The following PANX1 variants were observed in gnomAD, a reference collection of about 807,000 sequenced individuals.
The protein encoded by PANX1 is pannexin 1.
A neutral mutation model predicts 38.7 loss-of-function variants in PANX1; 30 were observed. The ratio of observed to expected loss-of-function variants is 0.78; its 90% CI spans 0.58 to 1.05. The LOEUF (loss-of-function observed/expected upper bound fraction) is 1.05, where lower values mean the gene tolerates loss of function less well. PANX1 is among the 50% of genes least tolerant of loss of function. The probability of loss-of-function intolerance (pLI) is 0.00; values close to 1 mark genes in which losing one functional copy is unlikely to be tolerated. For missense variants in PANX1, 551 were observed against 517.2 expected, an observed-to-expected ratio of 1.07 and a Z score of -0.63; for synonymous variants, 230 against 212.2, an observed-to-expected ratio of 1.08 and a Z score of -0.73.
chr11:94,150,695 A>G (rs747788986), intron 1 of PANX1, among the ~76,000 whole-genome samples: 4 of 151,538 alleles, frequency 2.6e-5, no homozygotes, highest in African/African-American at 9.7e-5. Context: ...TTCACTCCCT[A>G]TTTGTTGCCT....
chr11:94,176,341 T>C (rs151165939), intron 2 of PANX1, among the ~76,000 whole-genome samples: 2,174 of 151,738 alleles, frequency 0.014, 46 homozygotes, highest in Non-Finnish European at 0.022. Context: ...TGAAGAACTG[T>C]CACAAAACCA....
At chr11:94,150,578 C>T (rs1946872167) in intron 1 of PANX1, among the ~76,000 whole-genome samples, 1 of 152,190 alleles carries the variant, frequency 6.6e-6, no homozygotes, top group South Asian at 2.1e-4. Context: ...ACCCTGACCC[C>T]TTGCCTTTAG....
At chr11:94,146,048 C>T (rs1177401921) in intron 1 of PANX1, among the ~76,000 whole-genome samples, 1 of 152,170 alleles carries the variant, frequency 6.6e-6, no homozygotes, top group Non-Finnish European at 1.5e-5. Context: ...CAAAAGGAAC[C>T]CAGAGCTCTT....
chr11:94,170,916 G>C (rs1382089699), intron 2 of PANX1, among the ~76,000 whole-genome samples: 1 of 151,664 alleles, frequency 6.6e-6, no homozygotes, highest in African/African-American at 2.4e-5. Flanking sequence ...TGACCCAGGA[G>C]TTCCTTAGTT....
At chr11:94,168,743 G>A (rs545245883) in intron 2 of PANX1, among the ~76,000 whole-genome samples, 1 of 151,710 alleles carries the variant, frequency 6.6e-6, no homozygotes, top group East Asian at 1.9e-4. Flanking sequence ...GCCAGATTTG[G>A]CTCAGGGGCA....
intron 3 of PANX1, among the ~76,000 whole-genome samples, chr11:94,179,308 G>A (rs1002559156): frequency 6.6e-6 from 1 of 152,126 alleles, no homozygotes; most frequent in Non-Finnish European, 1.5e-5. Context: ...TGTAAGAGGC[G>A]TATGCTTACA....
At chr11:94,155,050 A>G (rs1946932256) in intron 2 of PANX1, among the ~76,000 whole-genome samples, 1 of 152,134 alleles carries the variant, frequency 6.6e-6, no homozygotes, top group South Asian at 2.1e-4. Flanking sequence ...TACTAAAAAT[A>G]CAAAAATTAA....
chr11:94,178,326 TG>T, intron 2 of PANX1, 42 bp from the exon 3 acceptor site: 4 of 1,448,076 alleles, frequency 2.8e-6, no homozygotes, highest in Non-Finnish European at 3.9e-6. Flanking sequence ...GGTTACTGCA[TG>T]GGGGGTTTGT....
At chr11:94,164,095 ATTTTATTTATTTGGTCTTTC>A (rs370459944) in intron 2 of PANX1, among the ~76,000 whole-genome samples, 1,859 of 150,904 alleles carry the variant, frequency 0.012, 39 homozygotes, top group African/African-American at 0.043. Flanking sequence ...TTTGTCTCTA[ATTTTATTTATTTGGTCTTTC>A]TTTTTTTTTT....
At chr11:94,155,360 A>G (rs1946937872) in intron 2 of PANX1, among the ~76,000 whole-genome samples, 1 of 151,264 alleles carries the variant, frequency 6.6e-6, no homozygotes, top group Non-Finnish European at 1.5e-5. Flanking sequence ...CAAAAAAAAA[A>G]AAAAAAAGCC....
chr11:94,143,248 A>G (rs973455349), intron 1 of PANX1, among the ~76,000 whole-genome samples: 1 of 152,256 alleles, frequency 6.6e-6, no homozygotes, highest in Non-Finnish European at 1.5e-5. Flanking sequence ...AGTTGGATCT[A>G]GTTTCAGGCT....
intron 2 of PANX1, among the ~76,000 whole-genome samples, chr11:94,177,813 A>G (rs1947252644): frequency 1.3e-5 from 2 of 151,962 alleles, no homozygotes; most frequent in South Asian, 4.1e-4. Flanking sequence ...TTCCACATTC[A>G]TTCTGCATTC....
intron 2 of PANX1, among the ~76,000 whole-genome samples, chr11:94,159,977 C>A (rs554816034): frequency 6.6e-6 from 1 of 151,850 alleles, no homozygotes; most frequent in Non-Finnish European, 1.5e-5. Context: ...GTCTTCATTT[C>A]GTTATGTACC....
At chr11:94,160,366 C>T (rs956863948) in intron 2 of PANX1, among the ~76,000 whole-genome samples, 5 of 152,126 alleles carry the variant, frequency 3.3e-5, no homozygotes, top group Non-Finnish European at 5.9e-5. Flanking sequence ...GTCTAAGTCT[C>T]TTTGTAGGTC....
intron 1 of PANX1, among the ~76,000 whole-genome samples, chr11:94,150,646 C>G (rs768251724): frequency 1.3e-5 from 2 of 152,142 alleles, no homozygotes; most frequent in Non-Finnish European, 2.9e-5. Flanking sequence ...TGCCGGTCCC[C>G]TGTACCCTCC....
intron 2 of PANX1, among the ~76,000 whole-genome samples, chr11:94,169,059 A>G (rs1174017050): frequency 1.3e-5 from 2 of 151,620 alleles, no homozygotes; most frequent in African/African-American, 4.9e-5. Flanking sequence ...GGTCCAGATG[A>G]TGTGTCAGGT....
At chr11:94,160,832 G>C (rs1346241232) in intron 2 of PANX1, among the ~76,000 whole-genome samples, 1 of 152,120 alleles carries the variant, frequency 6.6e-6, no homozygotes, top group African/African-American at 2.4e-5. Flanking sequence ...ATGGTCTTTA[G>C]AATTTGGCAT....
intron 2 of PANX1, among the ~76,000 whole-genome samples, chr11:94,154,257 A>T (rs985644715): frequency 6.6e-6 from 1 of 152,178 alleles, no homozygotes; most frequent in Non-Finnish European, 1.5e-5. Context: ...CTTCCCATAG[A>T]GAAGAGGTAC....
At chr11:94,175,427 T>C (rs1375429773) in intron 2 of PANX1, among the ~76,000 whole-genome samples, 1 of 151,794 alleles carries the variant, frequency 6.6e-6, no homozygotes, top group Non-Finnish European at 1.5e-5. Context: ...CTATTCATTG[T>C]ACCACTTATT....
Sources: allele counts gnomAD v4.1 joint callset (sites outside exome capture counted in the v4.1 genomes callset), GRCh38; gene constraint gnomAD v4.1.1; transcripts MANE v1.5; gene names NCBI Gene and HGNC (gene_info 2026-07-23, HGNC 2026-07-21).